The following ODAD1 variants were observed in gnomAD, a reference collection of about 807,000 sequenced individuals.
ODAD1 encodes the protein outer dynein arm-docking complex subunit 1.
ODAD1 carries 49 observed loss-of-function variants against 67.2 expected under a neutral mutation model. That is an observed-to-expected ratio of 0.73 (90% CI 0.58 to 0.92). The LOEUF (loss-of-function observed/expected upper bound fraction) is 0.92, where lower values mean the gene tolerates loss of function less well. Among genes scored for constraint, ODAD1 ranks in the 40% least tolerant of loss-of-function variants. The pLI, the probability that ODAD1 is intolerant of heterozygous loss-of-function variation, is 0.00. For missense variants in ODAD1, 897 were observed against 953.7 expected (o/e 0.94, Z 0.78); for synonymous variants, 345 against 393.7 (o/e 0.88, Z 1.46).
chr19:48,304,131 C>T lies in ODAD1; in HGVS notation c.675G>A (p.Ala225=), dbSNP rs1029945467. Residue 225 remains alanine (A), a synonymous_variant, in exon 9 of 16, where the codon GCG becomes GCA. Transcript: ENST00000674294. Reference sequence around the variant, plus strand: ...CCCGCAGCAAGCCCATCTTGGCCTTCGCCTCCTCCCTGCGGGGGTCAGCCG... The same window carrying T: ...CCCGCAGCAAGCCCATCTTGGCCTTTGCCTCCTCCCTGCGGGGGTCAGCCG... ...STSAYAVREE[A]KAKMGLLRER... 5 of 1,606,976 alleles carry T rather than the reference C, an allele frequency of 3.1e-6. No homozygotes were observed. The highest frequency in any genetic ancestry group is 2.7e-5 in the African/African-American group (2 of 74,828).
Position 48,296,988 on chromosome 19 carries a change from G to A in ODAD1, c.2112C>T (p.Asp704=), listed in dbSNP as rs540743866. 14 of 1,603,454 alleles carry A rather than the reference G, an allele frequency of 8.7e-6. No homozygotes were observed. The highest frequency in any genetic ancestry group is 3.4e-5 in the Admixed American group (2 of 59,486). ...CGTGCCCCTCGTGTTAGCCCCGGGA[G>A]TCTTTGCTGGTGGAGGAGCCCGGGC... The part of the protein sequence containing the change: ...STGPGSSTSK[D]SRG Residue 704 remains aspartate (D), a synonymous_variant, in exon 16 of 16, where the codon GAC becomes GAT. Coordinates refer to ENST00000674294, the MANE Select transcript of ODAD1 (RefSeq NM_001364171.2).
intron 7 of ODAD1, 52 bp from the exon 8 acceptor site, chr19:48,306,375 C>T (rs1968609334): frequency 2.0e-6 from 3 of 1,470,636 alleles, no homozygotes; most frequent in East Asian, 4.9e-5. Context: ...CCCCATTGCT[C>T]GAAGTCTTTC....
intron 7 of ODAD1, among the ~76,000 whole-genome samples, chr19:48,307,936 G>A (rs1029580759): frequency 6.6e-6 from 1 of 152,042 alleles, no homozygotes; most frequent in Admixed American, 6.6e-5. Context: ...GCAGAACAAG[G>A]TCCAGATTAC....
In ODAD1 at chr19:48,302,999, C is replaced by T. The variant is rs1968510577; in HGVS notation, c.1071+14G>A. The T allele has an allele frequency of 2.5e-6, 4 of 1,612,068 alleles. No individual in the cohort carries two copies. In the East Asian group the frequency reaches 8.9e-5, roughly 36 times the overall value. ...GGAGGAGAGGAGGAGATGGAGAGGG[C>T]AGGCCTCACTCACCTCCTTGATCTC... On this transcript the variant is annotated intron_variant, in intron 11 of 15. Transcript: ENST00000674294.
intron 12 of ODAD1, among the ~76,000 whole-genome samples, chr19:48,299,830 A>T (rs1968411832): frequency 6.6e-6 from 1 of 151,392 alleles, no homozygotes; most frequent in Non-Finnish European, 1.5e-5. Flanking sequence ...ATAATAGAAA[A>T]AAAGGATGCA....
At position 48,298,257 on chromosome 19, in the gene ODAD1, G is replaced by A. The variant is rs138500585; in HGVS notation, c.1324C>T (p.Arg442Trp). Residue 442 changes from arginine (R) to tryptophan (W), a missense_variant, in exon 13 of 16, where the codon CGG becomes TGG. Arg to Trp is a moderately radical substitution (Grantham distance 101, BLOSUM62 -3). Coordinates refer to ENST00000674294, the MANE Select transcript of ODAD1 (RefSeq NM_001364171.2). ...AGGCTCAGGAAGAGGCCCATGTCCC[G>A]GTCTCCCATGCTGGTCTTGACCCCA... Reference protein sequence around the residue: ...LLGVKTSMGDRDMGLFLSLIE... With the variant: ...LLGVKTSMGDWDMGLFLSLIE... 348 of 1,613,964 alleles carry A rather than the reference G, an allele frequency of 2.2e-4. No homozygotes were observed. Among genetic ancestry groups the A allele is most frequent in the Non-Finnish European group, 2.8e-4 (334 of 1,180,028 alleles).
At chr19:48,303,144 C>T in intron 10 of ODAD1, 49 bp from the exon 11 acceptor site, 4 of 1,355,704 alleles carry the variant, frequency 3.0e-6, no homozygotes, top group Non-Finnish European at 4.2e-6. Flanking sequence ...GACAGAGAAA[C>T]AGAGACAGAG....
Position 48,296,852 on chromosome 19 carries a change from A to G in ODAD1, c.*124T>C. 1 of 1,434,144 alleles carries G rather than the reference A, an allele frequency of 7.0e-7. No homozygotes were observed. Among genetic ancestry groups the G allele is most frequent in the Non-Finnish European group, 9.1e-7 (1 of 1,100,608 alleles). 88.8% of individuals were successfully genotyped at this position (1,434,144 alleles called of 1,614,324 possible). A position where few individuals can be genotyped will look rare whatever the true frequency, so the allele number is the denominator to read the frequency against. On this transcript the variant is annotated 3_prime_UTR_variant, in exon 16 of 16. Coordinates refer to ENST00000674294, the MANE Select transcript of ODAD1 (RefSeq NM_001364171.2). ...GCAGATGAAAACAGTTGAAGGGGCA[A>G]AAAGACAGAGGCCTGCCACTGGGAG...
intron 2 of ODAD1, 74 bp from the exon 3 acceptor site, chr19:48,320,465 C>A: frequency 1.2e-6 from 1 of 805,630 alleles, no homozygotes; most frequent in Non-Finnish European, 1.7e-6. Context: ...CAATGAACTG[C>A]GAGGGACTGG....
chr19:48,304,425 C>A (rs1205591182), intron 8 of ODAD1, among the ~76,000 whole-genome samples: 2 of 152,172 alleles, frequency 1.3e-5, no homozygotes, highest in Non-Finnish European at 1.5e-5. Flanking sequence ...TTGAAACCAG[C>A]CTGGCCAACA....
rs1057053273 is a variant in ODAD1 at position 48,303,184 on chromosome 19, C to G, written c.989-89G>C. ...CAGAGACAGAGAGGCATACAGAAGGCCAAAGAAAGTGAAGATGAGGAAGGC... is the reference window on the plus strand; with the variant it reads ...CAGAGACAGAGAGGCATACAGAAGGGCAAAGAAAGTGAAGATGAGGAAGGC... On this transcript the variant is annotated intron_variant, in intron 10 of 15. Transcript: ENST00000674294. 4.5e-5 allele frequency: 45 copies of G among 998,072 alleles called. No homozygotes were observed. In the African/African-American group the frequency reaches 5.4e-4, roughly 12 times the overall value. 61.8% of individuals were successfully genotyped at this position (998,072 alleles called of 1,614,324 possible). A position where few individuals can be genotyped will look rare whatever the true frequency, so the allele number is the denominator to read the frequency against.
intron 6 of ODAD1, 60 bp downstream of exon 6, chr19:48,311,934 T>C (rs1968774149): frequency 6.7e-7 from 1 of 1,492,360 alleles, no homozygotes; most frequent in Non-Finnish European, 9.1e-7. Flanking sequence ...CCAATGACCA[T>C]GCCCAGTTCT....
At chr19:48,301,643 G>A in intron 12 of ODAD1, among the ~76,000 whole-genome samples, 1 of 152,202 alleles carries the variant, frequency 6.6e-6, no homozygotes, top group East Asian at 1.9e-4. Flanking sequence ...ATAGATGGAT[G>A]AACAGATGGA....
At chr19:48,313,991 C>T (rs541503491) in intron 5 of ODAD1, among the ~76,000 whole-genome samples, 7 of 152,292 alleles carry the variant, frequency 4.6e-5, no homozygotes, top group South Asian at 2.1e-4. Flanking sequence ...GCCTGTAATC[C>T]CAACACTTTC....
intron 10 of ODAD1, 43 bp from the exon 11 acceptor site, chr19:48,303,138 G>C: frequency 1.4e-6 from 2 of 1,395,588 alleles, no homozygotes; most frequent in South Asian, 1.2e-5. Flanking sequence ...GAGGGAGACA[G>C]AGAAACAGAG....
At chr19:48,317,439 C>T (rs1196240320) in intron 5 of ODAD1, among the ~76,000 whole-genome samples, 1 of 152,002 alleles carries the variant, frequency 6.6e-6, no homozygotes, top group African/African-American at 2.4e-5. Flanking sequence ...GCATTACCAC[C>T]GTCCTTGTTT....
Position 48,303,987 on chromosome 19 carries a change from C to A in ODAD1, c.819G>T (p.Pro273=). ...FLKLKNNDRQ[P]DPDVLEKREK... ...CACGCTTCTCCAGGACATCGGGATC[C>A]GGCTGCCGGTCGTTGTTCTTGAGCT... Residue 273 remains proline (P), a synonymous_variant, in exon 9 of 16, where the codon CCG becomes CCT. Coordinates refer to ENST00000674294, the MANE Select transcript of ODAD1 (RefSeq NM_001364171.2). The A allele has an allele frequency of 6.2e-7, 1 of 1,614,190 alleles. No individual in the cohort carries two copies. The highest frequency in any genetic ancestry group is 8.5e-7 in the Non-Finnish European group (1 of 1,180,008).
At chr19:48,319,474 C>T in intron 3 of ODAD1, 1 of 982,570 alleles carries the variant, frequency 1.0e-6, no homozygotes, top group Non-Finnish European at 1.2e-6. Flanking sequence ...TCCAAAGGCC[C>T]AGTAGTTTTC....
At position 48,296,493 on chromosome 19, in the gene ODAD1, C is replaced by A; in HGVS notation, c.*483G>T. The A allele has an allele frequency of 6.4e-6, 1 of 157,124 alleles. No homozygotes were observed. The highest frequency in any genetic ancestry group is 1.4e-5 in the Non-Finnish European group (1 of 71,586). The allele number at this position is 157,124 out of a possible 1,614,324, so 9.7% of individuals were successfully genotyped here. ...CACATATACTTTATTTCCACAGTCCCATTTTCCCATGCTGAACCTGGCGTC... is the reference window on the plus strand; with the variant it reads ...CACATATACTTTATTTCCACAGTCCAATTTTCCCATGCTGAACCTGGCGTC... On this transcript the variant is annotated 3_prime_UTR_variant, in exon 16 of 16. Transcript: ENST00000674294.
Sources: gnomAD v4.1 joint callset for allele counts (sites outside exome capture counted in the v4.1 genomes callset) on GRCh38, gnomAD v4.1.1 for gene constraint, MANE v1.5 for transcripts, NCBI Gene and HGNC (gene_info 2026-07-23, HGNC 2026-07-21) for gene names.